PHEX: variants seen among roughly 807,000 people sequenced by gnomAD.
The protein encoded by PHEX is phosphate regulating endopeptidase X-linked.
A neutral mutation model predicts 68.0 loss-of-function variants in PHEX; 16 were observed. The ratio of observed to expected loss-of-function variants is 0.24; its 90% CI spans 0.16 to 0.36. The LOEUF (loss-of-function observed/expected upper bound fraction) is 0.36, where lower values mean the gene tolerates loss of function less well. PHEX is among the 10% of genes least tolerant of loss of function. The pLI, the probability that PHEX is intolerant of heterozygous loss-of-function variation, is 1.00. For missense variants in PHEX, 480 were observed against 575.5 expected (o/e 0.83, Z 1.70); for synonymous variants, 208 against 205.1 (o/e 1.01, Z -0.12).
chrX:22,048,043 T>C (rs994477977), intron 3 of PHEX, among the ~76,000 whole-genome samples: 2 of 110,949 alleles, frequency 1.8e-5, no homozygotes, highest in Non-Finnish European at 3.8e-5. Flanking sequence ...TGAGAAATTA[T>C]AAAAATCATT....
At chrX:22,144,274 G>T (rs1314392911) in intron 12 of PHEX, among the ~76,000 whole-genome samples, 2 of 110,938 alleles carry the variant, frequency 1.8e-5, no homozygotes, top group African/African-American at 6.6e-5. Flanking sequence ...CTCCATTATA[G>T]TGTCTTAAAA....
At position 22,077,521 on chromosome X, in the gene PHEX, G is replaced by A. The variant is rs138497409; in HGVS notation, c.482G>A (p.Arg161Gln). The change falls in exon 5 of 22, where the codon CGG (arginine) becomes CAG (glutamine). Residue 161 changes from arginine to glutamine, a missense_variant. Transcript: ENST00000379374. ...ADAKPLLHIL[R>Q]HSPFRWPVLE... ...GCCAAGCCACTGCTACACATCCTAC[G>A]GCATTCACCTTTCCGCTGGCCCGTG... 4.0e-5 allele frequency: 49 copies of A among 1,209,993 alleles called. No homozygotes were observed. The highest frequency in any genetic ancestry group is 2.8e-4 in the African/African-American group (16 of 57,227).
chrX:22,141,265 C>G (rs1932446286), intron 12 of PHEX, among the ~76,000 whole-genome samples: 1 of 111,606 alleles, frequency 9.0e-6, no homozygotes, highest in African/African-American at 3.3e-5. Flanking sequence ...AGGTGTGGTT[C>G]TGATGCCTCA....
At chrX:22,051,945 T>G (rs1927852762) in intron 3 of PHEX, among the ~76,000 whole-genome samples, 1 of 110,819 alleles carries the variant, frequency 9.0e-6, no homozygotes, top group Non-Finnish European at 1.9e-5. Flanking sequence ...AAAATCTTAT[T>G]TCTTTTCCTG....
Position 22,238,877 on chromosome X carries a change from T to C in PHEX, c.2071-6456T>C, listed in dbSNP as rs974601121. Among the ~76,000 whole-genome samples, 3 of 111,933 alleles carry C rather than the reference T, an allele frequency of 2.7e-5. No individual in the cohort carries two copies. In the Admixed American group the frequency reaches 2.8e-4, roughly 11 times the overall value. ...AGCCAGCACAGCGGTCGAGCTCTGC[T>C]AAGGGTCAGACTGCCTCCTCAAGTG... is the stretch of plus-strand genomic sequence containing the variant. On this transcript the variant is annotated intron_variant, in intron 20 of 21. Coordinates refer to ENST00000379374, the MANE Select transcript of PHEX (RefSeq NM_000444.6).
chrX:22,112,920 A>T (rs1353859177), intron 10 of PHEX, among the ~76,000 whole-genome samples: 1 of 110,740 alleles, frequency 9.0e-6, no homozygotes, highest in East Asian at 2.8e-4. Flanking sequence ...AAAAGAAAAA[A>T]AGTCTTTTTT....
Position 22,219,147 on chromosome X carries a change from G to A in PHEX, c.1768+44G>A, listed in dbSNP as rs367597554. ...TATAAGCTGCTGCTTTTATAATAAT[G>A]TTGACTATATGGATGTTAATTGTTA... On this transcript the variant is annotated intron_variant, in intron 17 of 21. Transcript: ENST00000379374. 3 of 823,276 alleles carry A rather than the reference G, an allele frequency of 3.6e-6. No individual in the cohort carries two copies. In the African/African-American group the frequency reaches 6.0e-5, roughly 16 times the overall value. The allele number at this position is 823,276 out of a possible 1,213,427, so 67.8% of individuals were successfully genotyped here.
chrX:22,123,624 T>A (rs948928779), intron 11 of PHEX, among the ~76,000 whole-genome samples: 20 of 110,212 alleles, frequency 1.8e-4, no homozygotes, highest in African/African-American at 6.6e-4. Flanking sequence ...TATCATAGAG[T>A]GAGGGAGGTG....
intron 5 of PHEX, among the ~76,000 whole-genome samples, chrX:22,085,968 G>A: frequency 9.0e-6 from 1 of 111,707 alleles, no homozygotes; most frequent in Non-Finnish European, 1.9e-5. Context: ...TATATACTTA[G>A]GTGCTCCAGT....
chrX:22,037,357 A>G (rs1372586129), intron 1 of PHEX, among the ~76,000 whole-genome samples: 2 of 111,328 alleles, frequency 1.8e-5, no homozygotes, highest in African/African-American at 6.5e-5. Context: ...CTTGGTCCCC[A>G]TTCACCTCCC....
At chrX:22,104,937 C>G (rs1930611262) in intron 9 of PHEX, among the ~76,000 whole-genome samples, 1 of 112,232 alleles carries the variant, frequency 8.9e-6, no homozygotes, top group Non-Finnish European at 1.9e-5. Context: ...TTGTCAAGGA[C>G]CCTGTAAGTA....
intron 12 of PHEX, among the ~76,000 whole-genome samples, chrX:22,138,622 A>G (rs1250121766): frequency 1.8e-5 from 2 of 110,198 alleles, no homozygotes; most frequent in East Asian, 5.7e-4. Flanking sequence ...ACTAATCCCA[A>G]CTCTGCATCT....
chrX:22,209,430 T>C (rs2147158595), intron 15 of PHEX, among the ~76,000 whole-genome samples: 1 of 110,673 alleles, frequency 9.0e-6, no homozygotes, highest in Admixed American at 9.7e-5. Flanking sequence ...AATAACTCCA[T>C]ACACTGTACT....
chrX:22,149,059 A>G (rs974789165), intron 12 of PHEX, among the ~76,000 whole-genome samples: 1 of 111,844 alleles, frequency 8.9e-6, no homozygotes, highest in Admixed American at 9.5e-5. Context: ...TGAGTTCATT[A>G]GTAAATAAGT....
intron 12 of PHEX, among the ~76,000 whole-genome samples, chrX:22,156,158 T>C (rs1569413520): frequency 9.0e-6 from 1 of 111,068 alleles, no homozygotes. Context: ...AGAAACAGAA[T>C]TGGGGGGTTA....
At chrX:22,179,959 G>T (rs1941387665) in intron 14 of PHEX, among the ~76,000 whole-genome samples, 1 of 107,310 alleles carries the variant, frequency 9.3e-6, no homozygotes. Context: ...TGACAGTTTA[G>T]ATAGCATGTT....
chrX:22,187,820 G>A (rs17314710), intron 14 of PHEX, among the ~76,000 whole-genome samples: 20,031 of 111,449 alleles, frequency 0.18, 1,686 homozygotes, highest in Non-Finnish European at 0.26. Flanking sequence ...CGGTTTTGAA[G>A]AGAGAAGAGG....
At chrX:22,181,115 A>G (rs889425727) in intron 14 of PHEX, among the ~76,000 whole-genome samples, 1 of 111,619 alleles carries the variant, frequency 9.0e-6, no homozygotes, top group Non-Finnish European at 1.9e-5. Flanking sequence ...TTAGGTATAT[A>G]CCCAGCAGTG....
chrX:22,203,039 G>GGC (rs1169672101), intron 15 of PHEX, among the ~76,000 whole-genome samples: 10 of 110,821 alleles, frequency 9.0e-5, no homozygotes, highest in Non-Finnish European at 1.9e-5. Context: ...GCTATAAAAA[G>GGC]GCAGCAAATG....
Sources: gnomAD v4.1 joint callset for allele counts (sites outside exome capture counted in the v4.1 genomes callset) on GRCh38, gnomAD v4.1.1 for gene constraint, MANE v1.5 for transcripts, NCBI Gene and HGNC (gene_info 2026-07-23, HGNC 2026-07-21) for gene names.